The following MYO9A variants were observed in gnomAD, a reference collection of about 807,000 sequenced individuals.
The protein encoded by MYO9A is unconventional myosin-IXa.
A neutral mutation model predicts 293.3 loss-of-function variants in MYO9A; 103 were observed. The observed-to-expected ratio is 0.35, with a 90% CI of 0.30 to 0.41. The LOEUF (loss-of-function observed/expected upper bound fraction) is 0.41. Ranked by LOEUF, MYO9A falls within the 10% of genes least tolerant of loss-of-function variation. The pLI is 1.00. For missense variants in MYO9A, 2,685 were observed against 3,033.0 expected, an observed-to-expected ratio of 0.89 and a Z score of 2.69; for synonymous variants, 1,001 against 1,035.7, an observed-to-expected ratio of 0.97 and a Z score of 0.64.
chr15:72,035,480 T>C lies in MYO9A; in HGVS notation c.841-2892A>G, dbSNP rs911765105. 5.9e-5 allele frequency among the ~76,000 whole-genome samples: 9 copies of C among 152,276 alleles called. No homozygotes were observed. In the South Asian group the frequency reaches 1.2e-3, roughly 21 times the overall value. On this transcript the variant is annotated intron_variant, in intron 2 of 41. Coordinates refer to ENST00000356056, the MANE Select transcript of MYO9A (RefSeq NM_006901.4). ...CCGTATTTTAACAACCTGGATGAAT[T>C]TCAAAGATACAACACTGAATGAGAG...
In MYO9A at chr15:71,823,470, C is replaced by T. The variant is rs1228283862; in HGVS notation, c.*3110G>A. On this transcript the variant is annotated 3_prime_UTR_variant, in exon 42 of 42. Coordinates refer to ENST00000356056, the MANE Select transcript of MYO9A (RefSeq NM_006901.4). Reference sequence around the variant, plus strand: ...CAGGACCTCTGGCCCTTTTGTCTCTCTCTGCAAGGCTCATAGTTGGAGGGC... The same window carrying T: ...CAGGACCTCTGGCCCTTTTGTCTCTTTCTGCAAGGCTCATAGTTGGAGGGC... 6.6e-6 allele frequency: 1 copy of T among 152,218 alleles called. No homozygotes were observed. The highest frequency in any genetic ancestry group is 1.5e-5 in the Non-Finnish European group (1 of 68,048). The allele number at this position is 152,218 out of a possible 1,614,324, so 9.4% of individuals were successfully genotyped here. A position where few individuals can be genotyped will look rare whatever the true frequency, so the allele number is the denominator to read the frequency against.
At position 71,899,801 on chromosome 15, in the gene MYO9A, G is replaced by A; in HGVS notation, c.3356C>T (p.Ala1119Val). Residue 1119 changes from alanine to valine, a missense_variant, in exon 24 of 42, where the codon GCT (alanine) becomes GTT (valine). Physicochemically the swap from Ala to Val is moderately conservative, Grantham distance 64. Transcript: ENST00000356056. ...TTTCCATCTTGCTTGTATGCAAATA[G>A]CAGCCATGTGCCTGCGCCTATAGTA... ...RDYYRRRHMA[A>V]ICIQARWKAY... 2 of 1,614,088 alleles carry A rather than the reference G, an allele frequency of 1.2e-6. No homozygotes were observed. The highest frequency in any genetic ancestry group is 4.5e-5 in the East Asian group (2 of 44,878).
chr15:71,876,369 G>A (rs1402323404), intron 31 of MYO9A, among the ~76,000 whole-genome samples: 4 of 145,400 alleles, frequency 2.8e-5, no homozygotes, highest in Admixed American at 1.4e-4. Context: ...TGATCCACCC[G>A]CCTCGGCCTC....
chr15:72,080,246 T>C (rs1258177391), intron 1 of MYO9A, among the ~76,000 whole-genome samples: 2 of 151,858 alleles, frequency 1.3e-5, no homozygotes, highest in Non-Finnish European at 2.9e-5. Flanking sequence ...TGGTCTGAGA[T>C]GTGCTATTAT....
At chr15:71,934,164 A>T (rs893905175) in intron 17 of MYO9A, among the ~76,000 whole-genome samples, 2 of 152,024 alleles carry the variant, frequency 1.3e-5, no homozygotes, top group African/African-American at 4.8e-5. Context: ...TTTTTTCCTT[A>T]TTCAAACCTC....
chr15:71,831,777 A>G (rs1297342733), intron 39 of MYO9A, among the ~76,000 whole-genome samples: 1 of 152,224 alleles, frequency 6.6e-6, no homozygotes, highest in African/African-American at 2.4e-5. Flanking sequence ...GCACAAAAGG[A>G]GACAGGACAA....
chr15:71,908,098 ATC>A (rs1567257932), intron 19 of MYO9A, among the ~76,000 whole-genome samples: 1 of 152,196 alleles, frequency 6.6e-6, no homozygotes, highest in Non-Finnish European at 1.5e-5. Context: ...TAAGTCTTTA[ATC>A]CATCTTGAAA....
At chr15:71,971,181 AAAG>A (rs1363781329) in intron 12 of MYO9A, among the ~76,000 whole-genome samples, 2 of 151,986 alleles carry the variant, frequency 1.3e-5, no homozygotes, top group East Asian at 3.9e-4. Flanking sequence ...AAAAAAAAAA[AAAG>A]AAGTGACATT....
At chr15:72,105,374 C>A (rs888861654) in intron 1 of MYO9A, among the ~76,000 whole-genome samples, 1 of 152,188 alleles carries the variant, frequency 6.6e-6, no homozygotes, top group East Asian at 1.9e-4. Context: ...CAGGCACACA[C>A]CACAATGCTT....
chr15:72,086,623 C>T lies in MYO9A; in HGVS notation c.-72+31057G>A, dbSNP rs997665374. On this transcript the variant is annotated intron_variant, in intron 1 of 41. Transcript: ENST00000356056. ...GCAAGATCTGCCTGTGCACACACACCGGCAAAGTGATGTGTGTTGGGGGGG... is the reference window on the plus strand; with the variant it reads ...GCAAGATCTGCCTGTGCACACACACTGGCAAAGTGATGTGTGTTGGGGGGG... Among the ~76,000 whole-genome samples, 34 of 139,314 alleles carry T rather than the reference C, an allele frequency of 2.4e-4. 1 individual carries two copies. Among genetic ancestry groups the T allele is most frequent in the Admixed American group, 2.3e-3 (31 of 13,404 alleles). 91.4% of individuals were successfully genotyped at this position (139,314 alleles called of 152,430 possible).
Position 71,897,762 on chromosome 15 carries a change from C to CTT in MYO9A, c.4739_4740dup (p.Asp1581LysfsTer51). ...CTGTCTTTTTGGGCAAGAGCTGCAT[C>CTT]TTTTAATGATAGGGACCCCAGTACA... On this transcript the variant is annotated frameshift_variant, in exon 25 of 42. Transcript: ENST00000356056. LOFTEE classifies it high-confidence loss of function. 1 of 1,614,042 alleles carries CTT rather than the reference C, an allele frequency of 6.2e-7. No homozygotes were observed. Among genetic ancestry groups the CTT allele is most frequent in the Non-Finnish European group, 8.5e-7 (1 of 1,180,014 alleles).
chr15:71,918,392 T>C (rs1055282345), intron 18 of MYO9A, among the ~76,000 whole-genome samples: 4 of 152,146 alleles, frequency 2.6e-5, no homozygotes, highest in African/African-American at 9.7e-5. Flanking sequence ...GAATTATTTA[T>C]ATAAAGTATG....
At chr15:71,951,951 A>C (rs771728291) in intron 14 of MYO9A, 55 bp from the exon 15 acceptor site, 3 of 1,526,432 alleles carry the variant, frequency 2.0e-6, no homozygotes, top group Non-Finnish European at 2.6e-6. Context: ...AAAAGACATT[A>C]TATAAGCCCA....
chr15:71,832,598 A>G (rs2054774235), intron 39 of MYO9A, among the ~76,000 whole-genome samples: 1 of 152,228 alleles, frequency 6.6e-6, no homozygotes, highest in Admixed American at 6.5e-5. Flanking sequence ...TGTTATATAC[A>G]GAAAATAATT....
At chr15:71,883,874 C>T in intron 27 of MYO9A, 138 bp from the exon 28 acceptor site, 1 of 793,428 alleles carries the variant, frequency 1.3e-6, no homozygotes, top group Non-Finnish European at 1.8e-6. Flanking sequence ...GTGTATTTAT[C>T]TTTACTTTTG....
intron 11 of MYO9A, 120 bp downstream of exon 11, chr15:71,990,983 A>C (rs1426096790): frequency 9.7e-7 from 1 of 1,028,052 alleles, no homozygotes. Flanking sequence ...ACGTTTCAAT[A>C]TTTAATAAAA....
rs76994650 is a variant in MYO9A, at chr15:71,848,041, G to A, written c.6837+804C>T. Reference sequence around the variant, plus strand: ...CCTGCTTCTCTTTAGAGATTTATTGGGAATCTGAAATGCGTGCTCATTGTC... The same window carrying A: ...CCTGCTTCTCTTTAGAGATTTATTGAGAATCTGAAATGCGTGCTCATTGTC... On this transcript the variant is annotated intron_variant, in intron 39 of 41. Coordinates refer to ENST00000356056, the MANE Select transcript of MYO9A (RefSeq NM_006901.4). 4.8e-3 allele frequency among the ~76,000 whole-genome samples: 736 copies of A among 152,132 alleles called. 6 individuals are homozygous for A. The highest frequency in any genetic ancestry group is 0.017 in the African/African-American group (709 of 41,526).
chr15:71,985,926 G>A (rs761761722), intron 11 of MYO9A, among the ~76,000 whole-genome samples: 3 of 152,118 alleles, frequency 2.0e-5, no homozygotes, highest in African/African-American at 7.2e-5. Context: ...TATCTTCTAT[G>A]CTTAGCACAC....
At chr15:71,923,112 C>T (rs929858343) in intron 18 of MYO9A, among the ~76,000 whole-genome samples, 38 of 152,126 alleles carry the variant, frequency 2.5e-4, no homozygotes, top group African/African-American at 8.4e-4. Flanking sequence ...TTGTCAGATG[C>T]TTTATCTGTG....
Sources: allele counts gnomAD v4.1 joint callset (sites outside exome capture counted in the v4.1 genomes callset), GRCh38; gene constraint gnomAD v4.1.1; transcripts MANE v1.5; gene names NCBI Gene and HGNC (gene_info 2026-07-23, HGNC 2026-07-21).